Variants in CTNND2 observed in about 807,000 individuals in gnomAD.
CTNND2 encodes the protein catenin delta-2.
Under a neutral mutation model 144.4 loss-of-function variants are expected in CTNND2, and 22 were observed. The observed-to-expected ratio is 0.15, with a 90% CI of 0.11 to 0.22. CTNND2 has a LOEUF of 0.22. Among genes scored for constraint, CTNND2 ranks in the 10% least tolerant of loss-of-function variants. CTNND2 has a pLI of 1.00. For missense variants in CTNND2, 1,353 were observed against 1,618.8 expected, an observed-to-expected ratio of 0.84 and a Z score of 2.82; for synonymous variants, 751 against 695.6, an observed-to-expected ratio of 1.08 and a Z score of -1.25.
chr5:11,725,349 T>G (rs1054251663), intron 2 of CTNND2, among the ~76,000 whole-genome samples: 1 of 152,252 alleles, frequency 6.6e-6, no homozygotes, highest in Non-Finnish European at 1.5e-5. Flanking sequence ...GTTCCTTAAA[T>G]TATTTGTATT....
At chr5:11,535,784 C>A (rs1220438686) in intron 3 of CTNND2, among the ~76,000 whole-genome samples, 1 of 152,208 alleles carries the variant, frequency 6.6e-6, no homozygotes, top group Non-Finnish European at 1.5e-5. Context: ...GTGTTACAAG[C>A]ATGAGGTCTG....
At chr5:11,220,828 CA>C (rs1739716465) in intron 10 of CTNND2, among the ~76,000 whole-genome samples, 1 of 152,148 alleles carries the variant, frequency 6.6e-6, no homozygotes, top group African/African-American at 2.4e-5. Flanking sequence ...ACACCGTTTC[CA>C]GGGGACATAC....
At chr5:11,403,114 C>T (rs977615411) in intron 5 of CTNND2, among the ~76,000 whole-genome samples, 1 of 151,978 alleles carries the variant, frequency 6.6e-6, no homozygotes, top group Non-Finnish European at 1.5e-5. Context: ...TATACATGTG[C>T]CGTGGTTGTT....
intron 9 of CTNND2, among the ~76,000 whole-genome samples, chr5:11,308,397 C>T (rs549017598): frequency 1.8e-4 from 28 of 152,296 alleles, no homozygotes; most frequent in African/African-American, 6.0e-4. Context: ...TGTTACAGTG[C>T]TGCAAAAGCA....
intron 1 of CTNND2, among the ~76,000 whole-genome samples, chr5:11,803,867 T>C (rs7718162): frequency 0.085 from 12,972 of 152,182 alleles, 1,623 homozygotes; most frequent in African/African-American, 0.27. Context: ...CTTTTTTTTT[T>C]CCACTCATTT....
intron 10 of CTNND2, among the ~76,000 whole-genome samples, 171 bp from the exon 11 acceptor site, chr5:11,199,832 G>T (rs189453875): frequency 6.6e-6 from 1 of 152,148 alleles, no homozygotes; most frequent in African/African-American, 2.4e-5. Context: ...TTTGATTGCC[G>T]GTATTTGCTT....
intron 2 of CTNND2, among the ~76,000 whole-genome samples, chr5:11,581,112 T>C (rs1314262996): frequency 6.6e-6 from 1 of 152,304 alleles, no homozygotes; most frequent in Admixed American, 6.5e-5. Flanking sequence ...CATTATGAAA[T>C]AGCTGCTTTA....
intron 1 of CTNND2, among the ~76,000 whole-genome samples, chr5:11,902,030 A>G (rs550522298): frequency 1.3e-5 from 2 of 152,342 alleles, no homozygotes; most frequent in South Asian, 2.1e-4. Context: ...CAATATTGCT[A>G]AAGACTAATC....
intron 1 of CTNND2, among the ~76,000 whole-genome samples, chr5:11,849,789 C>A (rs1447777019): frequency 6.6e-6 from 1 of 152,188 alleles, no homozygotes; most frequent in African/African-American, 2.4e-5. Flanking sequence ...TACACTTAGA[C>A]TGGCACAGTG....
At chr5:11,591,228 C>T (rs979526805) in intron 2 of CTNND2, among the ~76,000 whole-genome samples, 2 of 152,280 alleles carry the variant, frequency 1.3e-5, no homozygotes, top group South Asian at 4.1e-4. Flanking sequence ...TTATGCCCTA[C>T]TTAGAAGGTT....
At chr5:11,073,493 A>G (rs1748574100) in intron 16 of CTNND2, among the ~76,000 whole-genome samples, 1 of 152,232 alleles carries the variant, frequency 6.6e-6, no homozygotes, top group Non-Finnish European at 1.5e-5. Context: ...GAAATGTTTC[A>G]GTTTTGTCTT....
At chr5:11,361,980 A>G (rs1220156336) in intron 8 of CTNND2, among the ~76,000 whole-genome samples, 2 of 152,198 alleles carry the variant, frequency 1.3e-5, no homozygotes, top group Non-Finnish European at 1.5e-5. Context: ...GGGCAGAAAG[A>G]TAAGACCAGT....
At chr5:11,202,767 C>T (rs951439465) in intron 10 of CTNND2, among the ~76,000 whole-genome samples, 3 of 152,010 alleles carry the variant, frequency 2.0e-5, no homozygotes, top group Non-Finnish European at 4.4e-5. Flanking sequence ...TGCTTTTCTC[C>T]AGGATCCTTC....
intron 3 of CTNND2, among the ~76,000 whole-genome samples, chr5:11,444,049 C>T (rs1230504165): frequency 2.6e-5 from 4 of 152,270 alleles, no homozygotes; most frequent in Admixed American, 6.5e-5. Flanking sequence ...TGTTTAATTT[C>T]GTTCAGAAAC....
At chr5:11,389,285 A>C (rs1305026983) in intron 6 of CTNND2, among the ~76,000 whole-genome samples, 2 of 152,218 alleles carry the variant, frequency 1.3e-5, no homozygotes, top group African/African-American at 2.4e-5. Flanking sequence ...CATCAAGGAG[A>C]TGTTCTGATT....
At chr5:11,343,321 A>G (rs529581016) in intron 9 of CTNND2, among the ~76,000 whole-genome samples, 189 of 152,324 alleles carry the variant, frequency 1.2e-3, no homozygotes, top group African/African-American at 4.4e-3. Context: ...AACACTTCTC[A>G]CTGAATAATA....
intron 2 of CTNND2, among the ~76,000 whole-genome samples, chr5:11,650,821 GTGGCCTGGC>G (rs1317742869): frequency 6.6e-6 from 1 of 152,202 alleles, no homozygotes; most frequent in East Asian, 1.9e-4. Flanking sequence ...TGTCCAAGGT[GTGGCCTGGC>G]TGCTTCTATC....
chr5:11,296,936 A>T (rs558711502), intron 9 of CTNND2, among the ~76,000 whole-genome samples: 15 of 152,360 alleles, frequency 9.8e-5, no homozygotes, highest in African/African-American at 3.6e-4. Context: ...ATACATATGT[A>T]ACAAACCTGC....
At position 11,364,803 on chromosome 5, in the gene CTNND2, G is replaced by A; in HGVS notation, c.1265C>T (p.Pro422Leu). 1.2e-6 allele frequency: 2 copies of A among 1,613,514 alleles called. No individual in the cohort carries two copies. The highest frequency in any genetic ancestry group is 1.7e-6 in the Non-Finnish European group (2 of 1,179,632). Residue 422 changes from proline (P) to leucine (L), a missense_variant, in exon 8 of 22, where the codon CCC (proline) becomes CTC (leucine). Pro to Leu is a moderately conservative substitution (Grantham distance 98). Around this residue, in one of 4 missense-constraint regions of CTNND2, gnomAD observed 708 missense variants for 706.4 expected, o/e 1.00. Coordinates refer to ENST00000304623, the MANE Select transcript of CTNND2 (RefSeq NM_001332.4). ...ALQSPEHHID[P>L]IYEDRVYQKP... ...CTGATAGACGCGGTCTTCATAGATGGGATCTATGTGGTGTTCTGGGGACTG... is the reference window on the plus strand; with the variant it reads ...CTGATAGACGCGGTCTTCATAGATGAGATCTATGTGGTGTTCTGGGGACTG...
Sources: gnomAD v4.1 joint callset for allele counts (sites outside exome capture counted in the v4.1 genomes callset) on GRCh38, gnomAD v4.1.1 for gene constraint, gnomAD v4.1.1 regional missense constraint, MANE v1.5 for transcripts, NCBI Gene and HGNC (gene_info 2026-07-23, HGNC 2026-07-21) for gene names.